OR2L3: variants seen among roughly 807,000 people sequenced by gnomAD.
OR2L3 encodes the protein olfactory receptor family 2 subfamily L member 3, also known as olfactory receptor 2L3.
For missense variants in OR2L3, 369 were observed against 376.6 expected (o/e 0.98, Z 0.17); for synonymous variants, 131 against 139.1 (o/e 0.94, Z 0.41).
At position 248,050,052 on chromosome 1, in the gene OR2L3, G is replaced by T. The variant is rs541429653; in HGVS notation, c.-22+3172G>T. On this transcript the variant is annotated intron_variant, in intron 1 of 1. Transcript: ENST00000359959. ...TTTTGATGAACTCCAATAGAATCAC[G>T]GAACGAATCCTGTGACGTTCCAGGT... Among the ~76,000 whole-genome samples the T allele has an allele frequency of 2.0e-5, 3 of 152,176 alleles. No individual in the cohort carries two copies. In the South Asian group the frequency reaches 6.2e-4, roughly 31 times the overall value.
chr1:248,053,100 C>T (rs923349270), intron 1 of OR2L3, among the ~76,000 whole-genome samples: 2 of 152,076 alleles, frequency 1.3e-5, no homozygotes, highest in African/African-American at 4.8e-5. Flanking sequence ...CTAATGCTCT[C>T]CCCTCCACCG....
rs1663675565 is a variant in OR2L3 at position 248,062,493 on chromosome 1, T to A, written c.*873T>A. 2.0e-5 allele frequency: 3 copies of A among 152,112 alleles called. No homozygotes were observed. In the South Asian group the frequency reaches 6.2e-4, roughly 32 times the overall value. The allele number at this position is 152,112 out of a possible 1,614,324, so 9.4% of individuals were successfully genotyped here. A position where few individuals can be genotyped will look rare whatever the true frequency, so the allele number is the denominator to read the frequency against. On this transcript the variant is annotated 3_prime_UTR_variant, in exon 2 of 2. Transcript: ENST00000359959. ...ACAGAAAGGTTTTGCTTGTTCTCAC[T>A]CCTATGCGAGAGCTAGAATTTTTAA...
At position 248,062,462 on chromosome 1, in the gene OR2L3, A is replaced by T. The variant is rs1663674991; in HGVS notation, c.*842A>T. The T allele has an allele frequency of 6.6e-6, 1 of 152,160 alleles. No individual in the cohort carries two copies. The highest frequency in any genetic ancestry group is 6.5e-5 in the Admixed American group (1 of 15,268). 9.4% of individuals were successfully genotyped at this position (152,160 alleles called of 1,614,324 possible). A position where few individuals can be genotyped will look rare whatever the true frequency, so the allele number is the denominator to read the frequency against. ...AGTCTTGGGTCTGTTGTCAAAAATC[A>T]GTTGCACAGAAAGGTTTTGCTTGTT... is the stretch of plus-strand genomic sequence containing the variant. On this transcript the variant is annotated 3_prime_UTR_variant, in exon 2 of 2. Coordinates refer to ENST00000359959, the MANE Select transcript of OR2L3 (RefSeq NM_001004687.2).
chr1:248,055,959 G>T (rs1034498153), intron 1 of OR2L3: 2 of 152,128 alleles, frequency 1.3e-5, no homozygotes, highest in African/African-American at 2.4e-5. Flanking sequence ...CTTGTTATTG[G>T]TCTATTTAGG....
chr1:248,060,139 A>G (rs190466734), intron 1 of OR2L3, among the ~76,000 whole-genome samples: 11 of 152,290 alleles, frequency 7.2e-5, no homozygotes, highest in Admixed American at 4.6e-4. Flanking sequence ...ATTTATACTG[A>G]CTTTCTATGC....
intron 1 of OR2L3, among the ~76,000 whole-genome samples, chr1:248,050,372 G>C (rs1289081182): frequency 6.6e-6 from 1 of 151,836 alleles, no homozygotes; most frequent in Non-Finnish European, 1.5e-5. Flanking sequence ...TAATCCATTT[G>C]GATTTATTTT....
chr1:248,053,475 C>T (rs567837629), intron 1 of OR2L3, among the ~76,000 whole-genome samples: 4 of 152,272 alleles, frequency 2.6e-5, no homozygotes, highest in East Asian at 1.9e-4. Flanking sequence ...CACCCAGTAA[C>T]GGGAATGCCG....
chr1:248,053,283 CTTA>C (rs1182378852), intron 1 of OR2L3, among the ~76,000 whole-genome samples: 2 of 152,140 alleles, frequency 1.3e-5, no homozygotes, highest in Admixed American at 6.5e-5. Context: ...AGGACATGAT[CTTA>C]TTATTTTTTA....
Position 248,061,869 on chromosome 1 carries a change from G to T in OR2L3, c.*249G>T. ...CTACTTTTACTAATATGTTGTCAAT[G>T]AGAATTTTTGTTTTTGGTCATGCAG... On this transcript the variant is annotated 3_prime_UTR_variant, in exon 2 of 2. Coordinates refer to ENST00000359959, the MANE Select transcript of OR2L3 (RefSeq NM_001004687.2). 3.1e-6 allele frequency: 1 copy of T among 325,732 alleles called. No individual in the cohort carries two copies. The highest frequency in any genetic ancestry group is 5.5e-6 in the Non-Finnish European group (1 of 180,254). 20.2% of individuals were successfully genotyped at this position (325,732 alleles called of 1,614,324 possible). A position where few individuals can be genotyped will look rare whatever the true frequency, so the allele number is the denominator to read the frequency against.
chr1:248,050,151 C>A (rs1471146129), intron 1 of OR2L3, among the ~76,000 whole-genome samples: 2 of 151,984 alleles, frequency 1.3e-5, no homozygotes, highest in African/African-American at 2.4e-5. Flanking sequence ...GTTCAGGTTT[C>A]AGGTTTGTGG....
intron 1 of OR2L3, among the ~76,000 whole-genome samples, chr1:248,049,371 CT>C (rs1486721927): frequency 1.3e-5 from 2 of 152,142 alleles, no homozygotes; most frequent in African/African-American, 4.8e-5. Flanking sequence ...GTAATAGGTT[CT>C]TCATTTGAAA....
At chr1:248,057,584 G>C (rs1663474598) in intron 1 of OR2L3, among the ~76,000 whole-genome samples, 1 of 152,150 alleles carries the variant, frequency 6.6e-6, no homozygotes. Context: ...GACTTTGGCT[G>C]TTGTTGACAT....
chr1:248,056,177 C>CT (rs936484296), intron 1 of OR2L3, among the ~76,000 whole-genome samples: 37 of 151,952 alleles, frequency 2.4e-4, no homozygotes, highest in African/African-American at 8.2e-4. Flanking sequence ...CTTTATTATT[C>CT]TTTTTTTATT....
In OR2L3 at chr1:248,048,706, C is replaced by T. The variant is rs531723733; in HGVS notation, c.-22+1826C>T. Among the ~76,000 whole-genome samples, 13 of 152,170 alleles carry T rather than the reference C, an allele frequency of 8.5e-5. No homozygotes were observed. In the South Asian group the frequency reaches 1.0e-3, roughly 12 times the overall value. On this transcript the variant is annotated intron_variant, in intron 1 of 1. Coordinates refer to ENST00000359959, the MANE Select transcript of OR2L3 (RefSeq NM_001004687.2). ...ATTTCCCAGCCCTATGTGCAAGTAA[C>T]GGAGATCAGTTTCTGGAAGTTTCAG...
In OR2L3 at chr1:248,063,123, T is replaced by C. The variant is rs2103130170; in HGVS notation, c.*1503T>C. ...AAATCTTAAATAATGGTTTTTACTA[T>C]TTATGTGCAGAATGTCATTGGTATT... On this transcript the variant is annotated 3_prime_UTR_variant, in exon 2 of 2. Coordinates refer to ENST00000359959, the MANE Select transcript of OR2L3 (RefSeq NM_001004687.2). 6.6e-6 allele frequency: 1 copy of C among 152,258 alleles called. No individual in the cohort carries two copies. The allele number at this position is 152,258 out of a possible 1,614,324, so 9.4% of individuals were successfully genotyped here.
Position 248,063,213 on chromosome 1 carries a change from G to A in OR2L3, c.*1593G>A, listed in dbSNP as rs938374011. Reference sequence around the variant, plus strand: ...AATAATATTAATTCTTCCAATCCATGAGCATTGGATTTCTTTCCATTCATT... The same window carrying A: ...AATAATATTAATTCTTCCAATCCATAAGCATTGGATTTCTTTCCATTCATT... On this transcript the variant is annotated 3_prime_UTR_variant, in exon 2 of 2. Coordinates refer to ENST00000359959, the MANE Select transcript of OR2L3 (RefSeq NM_001004687.2). The A allele has an allele frequency of 5.9e-5, 9 of 152,320 alleles. No individual in the cohort carries two copies. Among genetic ancestry groups the A allele is most frequent in the African/African-American group, 2.2e-4 (9 of 41,572 alleles). 9.4% of individuals were successfully genotyped at this position (152,320 alleles called of 1,614,324 possible).
At chr1:248,060,290 T>C (rs1663580728) in intron 1 of OR2L3, among the ~76,000 whole-genome samples, 1 of 152,166 alleles carries the variant, frequency 6.6e-6, no homozygotes, top group Non-Finnish European at 1.5e-5. Flanking sequence ...GTAACAAATG[T>C]TGGTATCATC....
intron 1 of OR2L3, among the ~76,000 whole-genome samples, chr1:248,058,942 A>G (rs1663529727): frequency 6.6e-6 from 1 of 151,736 alleles, no homozygotes; most frequent in South Asian, 2.1e-4. Flanking sequence ...AATATTTTTT[A>G]TCAATTATTA....
chr1:248,056,145 T>C (rs1450637895), intron 1 of OR2L3, among the ~76,000 whole-genome samples: 1 of 152,194 alleles, frequency 6.6e-6, no homozygotes, highest in Non-Finnish European at 1.5e-5. Flanking sequence ...ATTGTGTTCA[T>C]TGGAATCTTC....
Sources: allele counts gnomAD v4.1 joint callset (sites outside exome capture counted in the v4.1 genomes callset), GRCh38; gene constraint gnomAD v4.1.1; transcripts MANE v1.5; gene names NCBI Gene and HGNC (gene_info 2026-07-23, HGNC 2026-07-21).